Variants in CNTNAP2 observed in about 807,000 individuals in gnomAD.
CNTNAP2 encodes the protein contactin associated protein 2.
In CNTNAP2, 98 loss-of-function variants were observed where a neutral mutation model predicts 155.2. The ratio of observed to expected loss-of-function variants is 0.63; its 90% confidence interval spans 0.54 to 0.75. The LOEUF (loss-of-function observed/expected upper bound fraction) is 0.75, where lower values mean the gene tolerates loss of function less well. Among genes scored for constraint, CNTNAP2 ranks in the 30% least tolerant of loss-of-function variants. The pLI, the probability that CNTNAP2 is intolerant of heterozygous loss-of-function variation, is 0.00. For missense variants in CNTNAP2, 1,727 were observed against 1,688.1 expected, an observed-to-expected ratio of 1.02 and a Z score of -0.40; for synonymous variants, 651 against 631.2, an observed-to-expected ratio of 1.03 and a Z score of -0.47.
At chr7:148,385,289 G>A (rs1224427723) in intron 22 of CNTNAP2, among the ~76,000 whole-genome samples, 2 of 152,218 alleles carry the variant, frequency 1.3e-5, no homozygotes, top group Non-Finnish European at 2.9e-5. Flanking sequence ...CTAAGGGCAC[G>A]TATGAAGAAT....
At chr7:147,698,463 C>T (rs576392396) in intron 13 of CNTNAP2, among the ~76,000 whole-genome samples, 13 of 152,270 alleles carry the variant, frequency 8.5e-5, no homozygotes, top group Admixed American at 4.6e-4. Context: ...CAGTTACCAA[C>T]TGTCTATTAA....
chr7:147,913,981 C>T (rs1800114059), intron 14 of CNTNAP2, among the ~76,000 whole-genome samples: 1 of 151,838 alleles, frequency 6.6e-6, no homozygotes, highest in Non-Finnish European at 1.5e-5. Flanking sequence ...TGACTGAATC[C>T]TTCACCATAT....
At chr7:146,583,233 A>G (rs965582530) in intron 1 of CNTNAP2, among the ~76,000 whole-genome samples, 2 of 152,168 alleles carry the variant, frequency 1.3e-5, no homozygotes, top group Non-Finnish European at 2.9e-5. Context: ...GACCAAAAAT[A>G]TCCAGGAGAA....
chr7:146,218,410 G>A (rs1375622034), intron 1 of CNTNAP2, among the ~76,000 whole-genome samples: 1 of 152,092 alleles, frequency 6.6e-6, no homozygotes, highest in Non-Finnish European at 1.5e-5. Context: ...TCGGGAGGCT[G>A]AGGCAGGAGA....
At chr7:148,067,179 T>C (rs1803284235) in intron 15 of CNTNAP2, among the ~76,000 whole-genome samples, 1 of 152,216 alleles carries the variant, frequency 6.6e-6, no homozygotes, top group Non-Finnish European at 1.5e-5. Flanking sequence ...AGAAACTTGC[T>C]TTGTCATATT....
chr7:148,061,046 T>C (rs1216949871), intron 15 of CNTNAP2, among the ~76,000 whole-genome samples: 1 of 152,326 alleles, frequency 6.6e-6, no homozygotes, highest in East Asian at 1.9e-4. Context: ...TCTAAAGGAT[T>C]TACTTAATTT....
intron 13 of CNTNAP2, among the ~76,000 whole-genome samples, chr7:147,663,601 A>C (rs1795650284): frequency 6.6e-6 from 1 of 152,226 alleles, no homozygotes; most frequent in African/African-American, 2.4e-5. Flanking sequence ...GTGGCCAAAC[A>C]ATTTCTGCCT....
chr7:147,480,719 C>G (rs1165147803), intron 10 of CNTNAP2, among the ~76,000 whole-genome samples: 1 of 152,138 alleles, frequency 6.6e-6, no homozygotes, highest in Non-Finnish European at 1.5e-5. Context: ...TCCTTGTGCT[C>G]CCTTCCTGGG....
intron 15 of CNTNAP2, among the ~76,000 whole-genome samples, chr7:148,062,860 T>A (rs1803183513): frequency 6.6e-6 from 1 of 152,086 alleles, no homozygotes; most frequent in African/African-American, 2.4e-5. Context: ...ATCAACATAG[T>A]CACAAGTTAG....
intron 2 of CNTNAP2, among the ~76,000 whole-genome samples, chr7:146,780,541 C>T (rs1451630397): frequency 2.6e-5 from 4 of 152,080 alleles, no homozygotes; most frequent in Non-Finnish European, 5.9e-5. Flanking sequence ...AATAGAATCT[C>T]ATTGTGGTTT....
chr7:147,956,179 GGTTACT>G (rs1237764099), intron 14 of CNTNAP2, among the ~76,000 whole-genome samples: 1 of 151,996 alleles, frequency 6.6e-6, no homozygotes, highest in East Asian at 1.9e-4. Context: ...CATAGAATTT[GGTTACT>G]GTTCCTGTTA....
intron 20 of CNTNAP2, among the ~76,000 whole-genome samples, chr7:148,244,268 G>A: frequency 6.6e-6 from 1 of 152,170 alleles, no homozygotes; most frequent in East Asian, 1.9e-4. Context: ...ACAGAGACAA[G>A]CAAACTTAGC....
intron 1 of CNTNAP2, among the ~76,000 whole-genome samples, chr7:146,359,476 A>G (rs1374357751): frequency 1.3e-5 from 2 of 152,226 alleles, no homozygotes; most frequent in Admixed American, 1.3e-4. Flanking sequence ...CTAATGAAGA[A>G]ACAGCATATT....
chr7:148,109,351 GTGTTT>G (rs71188946), intron 15 of CNTNAP2, among the ~76,000 whole-genome samples: 4,855 of 147,052 alleles, frequency 0.033, 105 homozygotes, highest in Admixed American at 0.038. Context: ...AAGAAGAGAG[GTGTTT>G]TGTTTTGTTT....
chr7:147,397,785 T>TTG (rs1403516350), intron 10 of CNTNAP2, among the ~76,000 whole-genome samples: 1 of 149,990 alleles, frequency 6.7e-6, no homozygotes, highest in Non-Finnish European at 1.5e-5. Flanking sequence ...TTTTTTTTTT[T>TTG]GCCAAAATAG....
At chr7:146,509,974 G>A (rs906211747) in intron 1 of CNTNAP2, among the ~76,000 whole-genome samples, 1 of 152,068 alleles carries the variant, frequency 6.6e-6, no homozygotes, top group Non-Finnish European at 1.5e-5. Flanking sequence ...CCATATTGGG[G>A]CCACACGGCT....
At chr7:148,355,143 C>G (rs1798489049) in intron 21 of CNTNAP2, among the ~76,000 whole-genome samples, 1 of 133,426 alleles carries the variant, frequency 7.5e-6, no homozygotes, top group Non-Finnish European at 1.5e-5. Flanking sequence ...AGGAAATCCA[C>G]TTCATGCATC....
intron 3 of CNTNAP2, among the ~76,000 whole-genome samples, chr7:146,921,514 C>T (rs184605125): frequency 7.0e-4 from 107 of 152,196 alleles, no homozygotes; most frequent in African/African-American, 2.5e-3. Context: ...TTAATCGACT[C>T]ACAGTTCTGC....
At chr7:147,381,588 C>A (rs1381645088) in intron 9 of CNTNAP2, among the ~76,000 whole-genome samples, 1 of 152,092 alleles carries the variant, frequency 6.6e-6, no homozygotes, top group Non-Finnish European at 1.5e-5. Context: ...ATGAAAGTGT[C>A]AAATTATTCA....
Sources: gnomAD v4.1 joint callset for allele counts (sites outside exome capture counted in the v4.1 genomes callset) on GRCh38, gnomAD v4.1.1 for gene constraint, MANE v1.5 for transcripts, NCBI Gene and HGNC (gene_info 2026-07-23, HGNC 2026-07-21) for gene names.